Variants in MAPKAP1 observed in about 807,000 individuals in gnomAD.
MAPKAP1 encodes the protein target of rapamycin complex 2 subunit MAPKAP1.
Under a neutral mutation model 65.7 loss-of-function variants are expected in MAPKAP1, and 20 were observed. The ratio of observed to expected loss-of-function variants is 0.30; its 90% CI spans 0.21 to 0.44. MAPKAP1 has a LOEUF of 0.44. Among genes scored for constraint, MAPKAP1 ranks in the 20% least tolerant of loss-of-function variants. The probability of loss-of-function intolerance (pLI) is 1.00; values close to 1 mark genes in which losing one functional copy is unlikely to be tolerated. For synonymous variants in MAPKAP1, 222 were observed against 244.3 expected, an observed-to-expected ratio of 0.91 and a Z score of 0.85; for missense variants, 423 against 648.0, an observed-to-expected ratio of 0.65 and a Z score of 3.77.
At chr9:125,464,066 C>A (rs987321884) in intron 10 of MAPKAP1, among the ~76,000 whole-genome samples, 1 of 151,902 alleles carries the variant, frequency 6.6e-6, no homozygotes, top group African/African-American at 2.4e-5. Context: ...CCACAGCATT[C>A]AAAGCCTGTG....
chr9:125,603,606 T>C (rs983919275), intron 4 of MAPKAP1, among the ~76,000 whole-genome samples: 36 of 152,244 alleles, frequency 2.4e-4, no homozygotes, highest in African/African-American at 8.7e-4. Context: ...TTTCCTTGTG[T>C]TCATCTTGAG....
chr9:125,546,507 C>T (rs1160719895), intron 6 of MAPKAP1, among the ~76,000 whole-genome samples: 1 of 152,206 alleles, frequency 6.6e-6, no homozygotes, highest in African/African-American at 2.4e-5. Flanking sequence ...TTAAGTTATG[C>T]TCCCATTTAA....
chr9:125,652,159 C>T (rs368023972), intron 4 of MAPKAP1: 50 of 1,314,652 alleles, frequency 3.8e-5, no homozygotes, highest in Non-Finnish European at 4.7e-5. Context: ...TCATGCTTTT[C>T]TGCAAAGTTT....
At chr9:125,593,659 C>T (rs1263346762) in intron 4 of MAPKAP1, among the ~76,000 whole-genome samples, 2 of 124,242 alleles carry the variant, frequency 1.6e-5, no homozygotes, top group Non-Finnish European at 3.6e-5. Context: ...GACTCTGTCT[C>T]AAAAAGAAAA....
intron 4 of MAPKAP1, among the ~76,000 whole-genome samples, chr9:125,594,721 A>G (rs1832074734): frequency 6.6e-6 from 1 of 152,090 alleles, no homozygotes; most frequent in Non-Finnish European, 1.5e-5. Context: ...TCTCTCATTC[A>G]GCTGTGAATT....
At chr9:125,477,736 C>T (rs1002761297) in intron 9 of MAPKAP1, among the ~76,000 whole-genome samples, 7 of 152,168 alleles carry the variant, frequency 4.6e-5, no homozygotes, top group African/African-American at 1.4e-4. Context: ...CTGCATTCTC[C>T]GCTTGACCCG....
intron 5 of MAPKAP1, among the ~76,000 whole-genome samples, chr9:125,561,028 C>A (rs540243254): frequency 2.0e-5 from 3 of 152,326 alleles, no homozygotes; most frequent in African/African-American, 7.2e-5. Context: ...AGCAGGAACC[C>A]AATAGCTCAC....
rs552584680 is a variant in MAPKAP1 at position 125,531,797 on chromosome 9, T to C, written c.958+11262A>G. 5.4e-4 allele frequency among the ~76,000 whole-genome samples: 83 copies of C among 152,332 alleles called. 1 individual carries two copies. The highest frequency in any genetic ancestry group is 3.4e-3 in the Middle Eastern group (1 of 294). ...GATCACATATCTATCAATCCATTTT[T>C]TAAAATGTATTTCAAATCAAGGAGG... is the stretch of plus-strand genomic sequence containing the variant. On this transcript the variant is annotated intron_variant, in intron 7 of 11. Coordinates refer to ENST00000265960, the MANE Select transcript of MAPKAP1 (RefSeq NM_001006617.3).
chr9:125,651,768 C>T (rs988239222), intron 4 of MAPKAP1, among the ~76,000 whole-genome samples: 1 of 152,146 alleles, frequency 6.6e-6, no homozygotes, highest in Non-Finnish European at 1.5e-5. Context: ...GTGGACTTTC[C>T]GTATTATGCA....
intron 4 of MAPKAP1, among the ~76,000 whole-genome samples, chr9:125,612,460 G>A (rs1392312508): frequency 1.3e-5 from 2 of 152,018 alleles, no homozygotes; most frequent in African/African-American, 4.8e-5. Context: ...GGCGGCATGT[G>A]GAGTAAGATT....
chr9:125,695,276 T>C (rs982029689), intron 1 of MAPKAP1, among the ~76,000 whole-genome samples: 1 of 152,220 alleles, frequency 6.6e-6, no homozygotes, highest in Non-Finnish European at 1.5e-5. Context: ...GACAAATCTG[T>C]ATCTCACCCC....
intron 1 of MAPKAP1, among the ~76,000 whole-genome samples, chr9:125,695,890 G>A (rs963426388): frequency 2.0e-5 from 3 of 151,808 alleles, no homozygotes; most frequent in Non-Finnish European, 4.4e-5. Context: ...CATCACACCC[G>A]GCTAATTTTG....
At chr9:125,592,977 CAA>C (rs1008839815) in intron 4 of MAPKAP1, among the ~76,000 whole-genome samples, 9 of 115,522 alleles carry the variant, frequency 7.8e-5, no homozygotes, top group Admixed American at 1.9e-4. Context: ...AAATATAACT[CAA>C]AAAAAAAAAA....
chr9:125,552,468 C>A (rs73593503), intron 6 of MAPKAP1, among the ~76,000 whole-genome samples: 6 of 152,236 alleles, frequency 3.9e-5, no homozygotes, highest in African/African-American at 9.6e-5. Flanking sequence ...AATTCACAAC[C>A]TTTGCATGAT....
chr9:125,625,223 C>A (rs1310389931), intron 4 of MAPKAP1, among the ~76,000 whole-genome samples: 1 of 48,614 alleles, frequency 2.1e-5, no homozygotes, highest in Non-Finnish European at 4.0e-5. Context: ...GAGAAACACC[C>A]AAGAATTATC....
At chr9:125,541,139 C>T (rs904948231) in intron 7 of MAPKAP1, among the ~76,000 whole-genome samples, 1 of 152,144 alleles carries the variant, frequency 6.6e-6, no homozygotes, top group Non-Finnish European at 1.5e-5. Context: ...TTTCAGATAA[C>T]GAGTCCTAAC....
chr9:125,493,794 TTAAGTTGG>T (rs1161943728), intron 8 of MAPKAP1, among the ~76,000 whole-genome samples: 1 of 152,194 alleles, frequency 6.6e-6, no homozygotes, highest in East Asian at 1.9e-4. Flanking sequence ...CAATGCCTCT[TTAAGTTGG>T]ATATTATCCT....
At chr9:125,544,747 A>C (rs1036791187) in intron 6 of MAPKAP1, among the ~76,000 whole-genome samples, 1 of 152,226 alleles carries the variant, frequency 6.6e-6, no homozygotes, top group Non-Finnish European at 1.5e-5. Flanking sequence ...GTGGCCAAAA[A>C]ACATGGCAGA....
chr9:125,467,004 C>T (rs75502956), intron 10 of MAPKAP1, among the ~76,000 whole-genome samples: 1 of 152,298 alleles, frequency 6.6e-6, no homozygotes, highest in African/African-American at 2.4e-5. Context: ...TAAGTAATTC[C>T]TTATAACATC....
Sources: gnomAD v4.1 joint callset for allele counts (sites outside exome capture counted in the v4.1 genomes callset) on GRCh38, gnomAD v4.1.1 for gene constraint, MANE v1.5 for transcripts, NCBI Gene and HGNC (gene_info 2026-07-23, HGNC 2026-07-21) for gene names.